MIB1: variants seen among roughly 807,000 people sequenced by gnomAD.
MIB1 encodes the protein E3 ubiquitin-protein ligase MIB1.
In MIB1, 278 loss-of-function variants were observed where a neutral mutation model predicts 124.5. That is an observed-to-expected ratio of 2.23 (90% CI 2.02 to 2.47). The LOEUF is 2.47. Among genes scored for constraint, MIB1 ranks in the 30% most tolerant of loss-of-function variants. The pLI is 0.00. For synonymous variants in MIB1, 446 were observed against 429.4 expected, an observed-to-expected ratio of 1.04 and a Z score of -0.48; for missense variants, 957 against 1,254.4, an observed-to-expected ratio of 0.76 and a Z score of 3.58.
intron 4 of MIB1, among the ~76,000 whole-genome samples, chr18:21,774,404 C>T (rs1435787367): frequency 6.6e-6 from 1 of 152,148 alleles, no homozygotes; most frequent in African/African-American, 2.4e-5. Context: ...CACTGGCCAA[C>T]ATGGTGAAAC....
intron 1 of MIB1, among the ~76,000 whole-genome samples, chr18:21,716,452 T>C (rs1310638788): frequency 6.6e-6 from 1 of 151,924 alleles, no homozygotes; most frequent in African/African-American, 2.4e-5. Context: ...AACAAAAATA[T>C]AATTAAAAAA....
chr18:21,724,793 T>G (rs1247371334), intron 1 of MIB1, among the ~76,000 whole-genome samples: 1 of 117,882 alleles, frequency 8.5e-6, no homozygotes, highest in Non-Finnish European at 1.7e-5. Context: ...TGGATTGTTA[T>G]AAGAAATGAC....
At chr18:21,757,852 T>C (rs903436191) in intron 1 of MIB1, among the ~76,000 whole-genome samples, 2 of 152,178 alleles carry the variant, frequency 1.3e-5, no homozygotes, top group African/African-American at 4.8e-5. Context: ...TAATAACTTA[T>C]ACTCTAAATC....
At chr18:21,754,085 C>A (rs1568187403) in intron 1 of MIB1, among the ~76,000 whole-genome samples, 1 of 152,228 alleles carries the variant, frequency 6.6e-6, no homozygotes, top group East Asian at 1.9e-4. Context: ...TTCTCCTTTG[C>A]CAGTTGGATC....
intron 13 of MIB1, among the ~76,000 whole-genome samples, chr18:21,841,120 C>G (rs1264871143): frequency 1.3e-5 from 2 of 152,006 alleles, no homozygotes; most frequent in Non-Finnish European, 2.9e-5. Context: ...AATCCAAGCA[C>G]TTTGGGAGGC....
At chr18:21,766,656 G>T (rs1483221226) in intron 2 of MIB1, among the ~76,000 whole-genome samples, 1 of 151,552 alleles carries the variant, frequency 6.6e-6, no homozygotes, top group South Asian at 2.1e-4. Context: ...GATCATAATC[G>T]TGCCACTTAT....
intron 8 of MIB1, among the ~76,000 whole-genome samples, chr18:21,798,993 A>G (rs536163290): frequency 4.6e-5 from 7 of 152,214 alleles, no homozygotes; most frequent in Admixed American, 3.9e-4. Flanking sequence ...ATTTGCTAGT[A>G]TGCTTAACAT....
chr18:21,738,192 CA>C (rs2040804117), upstream of MIB1, among the ~76,000 whole-genome samples: 1 of 152,190 alleles, frequency 6.6e-6, no homozygotes, highest in Non-Finnish European at 1.5e-5. Flanking sequence ...AAACACTCCT[CA>C]GCAAATGCAA....
chr18:21,784,464 C>T (rs910288690), intron 6 of MIB1, among the ~76,000 whole-genome samples: 3 of 151,786 alleles, frequency 2.0e-5, no homozygotes, highest in Admixed American at 6.6e-5. Flanking sequence ...GGCAAGAGAC[C>T]GAGGGCACAA....
chr18:21,731,412 A>G (rs1198811213), intron 1 of MIB1, among the ~76,000 whole-genome samples: 1 of 152,194 alleles, frequency 6.6e-6, no homozygotes, highest in Non-Finnish European at 1.5e-5. Context: ...TGAAGGACAG[A>G]TGATATTTTT....
chr18:21,840,650 TATATATATATATA>T (rs2042076842), intron 13 of MIB1, among the ~76,000 whole-genome samples: 1 of 3,714 alleles, frequency 2.7e-4, no homozygotes, highest in African/African-American at 4.9e-4. Context: ...TATATATATA[TATATATATATATA>T]TATTTTTTTT....
At chr18:21,722,187 T>C (rs1471107553) in intron 1 of MIB1, among the ~76,000 whole-genome samples, 1 of 151,504 alleles carries the variant, frequency 6.6e-6, no homozygotes, top group Non-Finnish European at 1.5e-5. Context: ...CCTGAGTAGC[T>C]GGGATTATAG....
chr18:21,788,943 A>G (rs1484690662), intron 6 of MIB1, among the ~76,000 whole-genome samples: 1 of 152,226 alleles, frequency 6.6e-6, no homozygotes, highest in Non-Finnish European at 1.5e-5. Context: ...ACTACTGAAC[A>G]TTGTTGAAAG....
intron 13 of MIB1, among the ~76,000 whole-genome samples, chr18:21,841,202 C>T (rs972448956): frequency 2.6e-5 from 4 of 152,068 alleles, no homozygotes; most frequent in Admixed American, 6.5e-5. Context: ...CCCTTCTCTA[C>T]TAAAAATGCA....
intron 11 of MIB1, among the ~76,000 whole-genome samples, chr18:21,817,223 G>A (rs1159870193): frequency 6.9e-6 from 1 of 144,034 alleles, no homozygotes; most frequent in Non-Finnish European, 1.5e-5. Context: ...ATTCAGTGGC[G>A]TGATCATGGC....
upstream of MIB1, among the ~76,000 whole-genome samples, chr18:21,740,690 G>A (rs2040835291): frequency 6.6e-6 from 1 of 152,220 alleles, no homozygotes; most frequent in African/African-American, 2.4e-5. Flanking sequence ...ACCACCGGGC[G>A]GCAACTCCAG....
intron 17 of MIB1, among the ~76,000 whole-genome samples, chr18:21,850,875 AGATT>A (rs769025730): frequency 2.6e-5 from 4 of 152,182 alleles, no homozygotes; most frequent in Admixed American, 1.3e-4. Context: ...TTTTGTCTTT[AGATT>A]GATCTGTGTA....
Position 21,864,774 on chromosome 18 carries a change from T to G in MIB1, c.*108T>G. ...TGAGTTAATTTCTAATATCATAGTT[T>G]CTTTACTAGAGTATAATTGGGCTGT... On this transcript the variant is annotated 3_prime_UTR_variant, in exon 21 of 21. Transcript: ENST00000261537. The G allele has an allele frequency of 1.3e-6, 1 of 787,700 alleles. No individual in the cohort carries two copies. The highest frequency in any genetic ancestry group is 2.0e-6 in the Non-Finnish European group (1 of 508,732). The allele number at this position is 787,700 out of a possible 1,614,324, so 48.8% of individuals were successfully genotyped here.
At position 21,741,794 on chromosome 18, in the gene MIB1, C is replaced by G; in HGVS notation, c.211C>G (p.Leu71Val). ...CTCCGGGGCTTACGACCTCCGCATC[C>G]TGGACAGCGCGCCCACCGGTAAGCC... ...RCSGAYDLRI[L>V]DSAPTGIKHD... The change falls in exon 1 of 21, where the codon CTG becomes GTG. Residue 71 changes from leucine to valine, a missense_variant. Transcript: ENST00000261537. The surrounding 1 kb of genome is among the most constrained non-coding windows in gnomAD (Gnocchi z 5.4). The G allele has an allele frequency of 6.2e-7, 1 of 1,603,494 alleles. No individual in the cohort carries two copies. Among genetic ancestry groups the G allele is most frequent in the South Asian group, 1.1e-5 (1 of 89,642 alleles).
Sources: allele counts gnomAD v4.1 joint callset (sites outside exome capture counted in the v4.1 genomes callset), GRCh38; gene constraint gnomAD v4.1.1; non-coding constraint Gnocchi (gnomAD v3.1); transcripts MANE v1.5; gene names NCBI Gene and HGNC (gene_info 2026-07-23, HGNC 2026-07-21).